Variants in TTC34 observed in about 807,000 individuals in gnomAD.
TTC34 encodes the protein tetratricopeptide repeat domain 34.
In TTC34, 44 loss-of-function variants were observed where a neutral mutation model predicts 40.7. That is an observed-to-expected ratio of 1.08 (90% CI 0.85 to 1.39). The LOEUF (loss-of-function observed/expected upper bound fraction) is 1.39. Among genes scored for constraint, TTC34 ranks in the 40% most tolerant of loss-of-function variants. The probability of loss-of-function intolerance (pLI) is 0.00; values close to 1 mark genes in which losing one functional copy is unlikely to be tolerated. For synonymous variants in TTC34, 422 were observed against 398.6 expected (o/e 1.06, Z -0.70); for missense variants, 884 against 838.0 (o/e 1.05, Z -0.68).
intron 6 of TTC34, among the ~76,000 whole-genome samples, chr1:2,751,520 C>A (rs1387352170): frequency 1.3e-5 from 1 of 79,610 alleles, no homozygotes; most frequent in Non-Finnish European, 2.3e-5. Context: ...TTGAACAGCA[C>A]CCTGCACCCC....
intron 6 of TTC34, among the ~76,000 whole-genome samples, chr1:2,677,508 CAGCCTGGAGCAGCACCCACACA>C (rs1639950574): frequency 3.8e-5 from 3 of 79,966 alleles, no homozygotes; most frequent in Non-Finnish European, 7.9e-5. Flanking sequence ...GAGCATCCGA[CAGCCTGGAGCAGCACCCACACA>C]CCCAGGTGAG....
intron 6 of TTC34, among the ~76,000 whole-genome samples, chr1:2,647,415 G>A (rs553693577): frequency 1.3e-5 from 2 of 152,246 alleles, no homozygotes; most frequent in African/African-American, 4.8e-5. Flanking sequence ...CAGAGGTCAG[G>A]AGATCGAGAC....
intron 6 of TTC34, among the ~76,000 whole-genome samples, chr1:2,656,378 A>C (rs148143233): frequency 0.52 from 2,415 of 4,678 alleles, 791 homozygotes; most frequent in Middle Eastern, 0.6. Flanking sequence ...ACCCACACCC[A>C]CAGGTGAGCA....
chr1:2,773,240 C>T (rs1327409611), intron 6 of TTC34, among the ~76,000 whole-genome samples: 1 of 130,358 alleles, frequency 7.7e-6, no homozygotes, highest in Non-Finnish European at 1.7e-5. Flanking sequence ...ATCTGACAGC[C>T]TGGAGCAGCA....
chr1:2,652,884 C>T (rs1639198669), intron 6 of TTC34, among the ~76,000 whole-genome samples: 1 of 152,248 alleles, frequency 6.6e-6, no homozygotes, highest in African/African-American at 2.4e-5. Context: ...GCAGCACCCA[C>T]AACCAAAGGT....
chr1:2,700,073 A>G lies in TTC34; in HGVS notation c.2227-54510T>C, dbSNP rs1249652742. Among the ~76,000 whole-genome samples, 14 of 93,230 alleles carry G rather than the reference A, an allele frequency of 1.5e-4. 2 individuals carry two copies. The highest frequency in any genetic ancestry group is 3.6e-4 in the South Asian group (1 of 2,752). The allele number at this position is 93,230 out of a possible 152,430, so 61.2% of individuals were successfully genotyped here. ...CACACCCAGAGGTGAGCATATGACCACCTGGAGCAGCACCCACAGTCCCAG... is the reference window on the plus strand; with the variant it reads ...CACACCCAGAGGTGAGCATATGACCGCCTGGAGCAGCACCCACAGTCCCAG... On this transcript the variant is annotated intron_variant, in intron 6 of 8. Coordinates refer to ENST00000401095, the Ensembl canonical transcript of TTC34.
intron 6 of TTC34, among the ~76,000 whole-genome samples, chr1:2,684,633 T>A (rs79456807): frequency 8.0e-5 from 3 of 37,572 alleles, no homozygotes; most frequent in Admixed American, 3.1e-4. Flanking sequence ...AATGGCATCC[T>A]CACCTCCAGG....
At chr1:2,675,048 T>G (rs1283121424) in intron 6 of TTC34, among the ~76,000 whole-genome samples, 2 of 122,354 alleles carry the variant, frequency 1.6e-5, no homozygotes, top group African/African-American at 6.0e-5. Context: ...CAACCACAGG[T>G]GAGCATCGGA....
At chr1:2,677,901 A>T (rs1383669299) in intron 6 of TTC34, among the ~76,000 whole-genome samples, 1 of 36,238 alleles carries the variant, frequency 2.8e-5, no homozygotes, top group Non-Finnish European at 4.6e-5. Flanking sequence ...CCCCCAGGCG[A>T]GCATCTGACA....
intron 6 of TTC34, among the ~76,000 whole-genome samples, chr1:2,682,142 C>T (rs59086233): frequency 7.3e-6 from 1 of 136,862 alleles, no homozygotes; most frequent in Non-Finnish European, 1.6e-5. Context: ...GAACAGCACC[C>T]TGCACCCCCA....
In TTC34 at chr1:2,749,386, T is replaced by G. The variant is rs1396903178; in HGVS notation, c.2226+34223A>C. 2.1e-3 allele frequency among the ~76,000 whole-genome samples: 181 copies of G among 85,904 alleles called. 1 individual carries two copies. Among genetic ancestry groups the G allele is most frequent in the Admixed American group, 2.4e-3 (20 of 8,290 alleles). 56.4% of individuals were successfully genotyped at this position (85,904 alleles called of 152,430 possible). A position where few individuals can be genotyped will look rare whatever the true frequency, so the allele number is the denominator to read the frequency against. On this transcript the variant is annotated intron_variant, in intron 6 of 8. Transcript: ENST00000401095. ...ATGCCCAGGTGAGACCCTGACAGCCTGGAACAGCACCCTGCACCCCCAGGT... is the reference window on the plus strand; with the variant it reads ...ATGCCCAGGTGAGACCCTGACAGCCGGGAACAGCACCCTGCACCCCCAGGT...
chr1:2,642,933 C>G (rs529498710), intron 8 of TTC34, among the ~76,000 whole-genome samples: 1 of 152,352 alleles, frequency 6.6e-6, no homozygotes, highest in South Asian at 2.1e-4. Context: ...GGCAGGGGCT[C>G]GAAACCCCGT....
Position 2,790,349 on chromosome 1 carries a change from G to A in TTC34, c.785-3C>T. 2.5e-6 allele frequency: 1 copy of A among 398,562 alleles called. No homozygotes were observed. Among genetic ancestry groups the A allele is most frequent in the East Asian group, 3.6e-5 (1 of 28,066 alleles). 24.7% of individuals were successfully genotyped at this position (398,562 alleles called of 1,614,324 possible). On this transcript the variant is annotated splice_region_variant and splice_polypyrimidine_tract_variant and intron_variant, in intron 2 of 8. Transcript: ENST00000401095. Reference sequence around the variant, plus strand: ...CAGCAGGGCGGCTCGGCGCTCACCTGCGGAGAGAAACAGAGGCGTGGGTTC... The same window carrying A: ...CAGCAGGGCGGCTCGGCGCTCACCTACGGAGAGAAACAGAGGCGTGGGTTC...
chr1:2,681,643 C>T (rs1261993958), intron 6 of TTC34, among the ~76,000 whole-genome samples: 1 of 74,506 alleles, frequency 1.3e-5, no homozygotes, highest in African/African-American at 4.5e-5. Context: ...GAGCACCTGA[C>T]AGCCTGGAGC....
chr1:2,788,551 C>A (rs559772057), intron 3 of TTC34, among the ~76,000 whole-genome samples: 1 of 152,264 alleles, frequency 6.6e-6, no homozygotes, highest in Non-Finnish European at 1.5e-5. Flanking sequence ...CACCTCCCAG[C>A]AATTACACGA....
intron 8 of TTC34, among the ~76,000 whole-genome samples, chr1:2,642,727 C>G (rs1638932977): frequency 6.6e-6 from 1 of 152,254 alleles, no homozygotes; most frequent in South Asian, 2.1e-4. Context: ...AGCAGCCCGG[C>G]GGTCCTCGAC....
chr1:2,658,005 T>G (rs1639412875), intron 6 of TTC34, among the ~76,000 whole-genome samples: 1 of 116,160 alleles, frequency 8.6e-6, no homozygotes, highest in Non-Finnish European at 2.1e-5. Flanking sequence ...CATCTGATTG[T>G]CTGGAGCAGC....
chr1:2,641,898 GCACAGAGGA>G lies in TTC34; in HGVS notation c.2713-12_2713-4del. ...GTGCCGGCTTCCTGGGCCGCCGCCT[GCACAGAGGA>G]CACAGAGAGAGGCAGGGAGAGTGGG... On this transcript the variant is annotated splice_polypyrimidine_tract_variant and splice_region_variant and intron_variant, in intron 8 of 8. Coordinates refer to ENST00000401095, the Ensembl canonical transcript of TTC34. The G allele has an allele frequency of 2.7e-6, 4 of 1,473,488 alleles. No individual in the cohort carries two copies. The South Asian group carries it at 4.0e-5, about 15-fold the overall frequency. 91.3% of individuals were successfully genotyped at this position (1,473,488 alleles called of 1,614,324 possible). A position where few individuals can be genotyped will look rare whatever the true frequency, so the allele number is the denominator to read the frequency against.
exon 9 of TTC34, chr1:2,641,512 C>A: frequency 6.5e-7 from 1 of 1,535,522 alleles, no homozygotes; most frequent in East Asian, 2.4e-5. Context: ...GGCAGCACTG[C>A]CCGCGGAGAA....
Sources: allele counts gnomAD v4.1 joint callset (sites outside exome capture counted in the v4.1 genomes callset), GRCh38; gene constraint gnomAD v4.1.1; transcripts MANE v1.5; gene names NCBI Gene and HGNC (gene_info 2026-07-23, HGNC 2026-07-21).